FBXL17: variants seen among roughly 807,000 people sequenced by gnomAD.
FBXL17 encodes F-box/LRR-repeat protein 17.
In FBXL17, 22 loss-of-function variants were observed where a neutral mutation model predicts 66.2. That is an observed-to-expected ratio of 0.33 (90% CI 0.24 to 0.47). The LOEUF (loss-of-function observed/expected upper bound fraction) is 0.47, where lower values mean the gene tolerates loss of function less well. FBXL17 is among the 20% of genes least tolerant of loss of function. The pLI is 1.00. For synonymous variants in FBXL17, 474 were observed against 400.5 expected, an observed-to-expected ratio of 1.18 and a Z score of -2.19; for missense variants, 878 against 948.2, an observed-to-expected ratio of 0.93 and a Z score of 0.97.
chr5:107,901,526 G>A (rs1023548654), intron 7 of FBXL17, among the ~76,000 whole-genome samples: 2 of 152,090 alleles, frequency 1.3e-5, no homozygotes, highest in Non-Finnish European at 2.9e-5. Context: ...AATGCCTAAC[G>A]GGCCCATGTA....
intron 7 of FBXL17, among the ~76,000 whole-genome samples, chr5:107,915,455 T>C (rs1424172308): frequency 6.6e-6 from 1 of 152,178 alleles, no homozygotes; most frequent in South Asian, 2.1e-4. Context: ...AGGGCTGGGA[T>C]AGGGGACTGG....
intron 4 of FBXL17, among the ~76,000 whole-genome samples, chr5:108,317,346 A>C (rs1251739574): frequency 1.3e-5 from 2 of 148,242 alleles, no homozygotes; most frequent in African/African-American, 4.9e-5. Flanking sequence ...TTTTTTTTTT[A>C]ACTAGAAAAG....
intron 6 of FBXL17, among the ~76,000 whole-genome samples, chr5:108,109,253 A>T (rs1404461585): frequency 6.6e-6 from 1 of 152,138 alleles, no homozygotes; most frequent in Non-Finnish European, 1.5e-5. Context: ...CAGAAGGAGG[A>T]AGGTCACTCT....
At chr5:107,918,974 A>G (rs1195195756) in intron 7 of FBXL17, among the ~76,000 whole-genome samples, 10 of 152,282 alleles carry the variant, frequency 6.6e-5, no homozygotes, top group African/African-American at 2.4e-4. Context: ...ACTTTGTGGG[A>G]GAGGCTGTGT....
At chr5:108,127,568 T>C (rs1220830270) in intron 6 of FBXL17, among the ~76,000 whole-genome samples, 1 of 152,044 alleles carries the variant, frequency 6.6e-6, no homozygotes, top group African/African-American at 2.4e-5. Context: ...ATTAAAAAGA[T>C]GATGAGAAAA....
intron 4 of FBXL17, among the ~76,000 whole-genome samples, chr5:108,293,149 A>C (rs2150165523): frequency 6.6e-6 from 1 of 152,040 alleles, no homozygotes; most frequent in Non-Finnish European, 1.5e-5. Context: ...GTATTCCTAT[A>C]TTAGTTTCTT....
intron 1 of FBXL17, among the ~76,000 whole-genome samples, chr5:108,374,365 A>C (rs761859247): frequency 1.3e-5 from 2 of 152,198 alleles, no homozygotes; most frequent in Non-Finnish European, 2.9e-5. Flanking sequence ...ATGACAATGA[A>C]AGGAAATTAG....
At chr5:108,251,531 A>T (rs181648991) in intron 4 of FBXL17, among the ~76,000 whole-genome samples, 4 of 152,194 alleles carry the variant, frequency 2.6e-5, no homozygotes, top group South Asian at 4.1e-4. Flanking sequence ...AGACTTCATT[A>T]TTCTGACACA....
At chr5:108,374,410 G>A (rs752293562) in intron 1 of FBXL17, among the ~76,000 whole-genome samples, 13 of 152,134 alleles carry the variant, frequency 8.5e-5, no homozygotes, top group African/African-American at 2.2e-4. Flanking sequence ...AGCAGCTCAG[G>A]CCTATAATTC....
At chr5:107,980,664 A>ATATATATATTTTTTTTTTTTTTT in intron 7 of FBXL17, among the ~76,000 whole-genome samples, 38 of 62,042 alleles carry the variant, frequency 6.1e-4, no homozygotes, top group Non-Finnish European at 9.0e-4. Flanking sequence ...ATATATATAT[A>ATATATATATTTTTTTTTTTTTTT]TTTTTTTTTT....
chr5:108,322,050 C>T (rs938012638), intron 4 of FBXL17, among the ~76,000 whole-genome samples: 1 of 151,814 alleles, frequency 6.6e-6, no homozygotes, highest in African/African-American at 2.4e-5. Flanking sequence ...TAACAACACA[C>T]CACTGGCAAG....
intron 6 of FBXL17, among the ~76,000 whole-genome samples, chr5:108,036,795 G>A (rs1389148186): frequency 6.6e-6 from 1 of 152,108 alleles, no homozygotes; most frequent in Non-Finnish European, 1.5e-5. Flanking sequence ...AAGAATTGAT[G>A]CACAGTAATA....
chr5:108,252,192 G>T (rs1476869209), intron 4 of FBXL17, among the ~76,000 whole-genome samples: 9 of 152,078 alleles, frequency 5.9e-5, no homozygotes, highest in Admixed American at 5.9e-4. Context: ...AGAACAATTT[G>T]CCAATATCTT....
intron 8 of FBXL17, among the ~76,000 whole-genome samples, chr5:107,874,843 G>A (rs1748568107): frequency 6.6e-6 from 1 of 152,160 alleles, no homozygotes. Context: ...GTGTTTTAAA[G>A]TGCTCCTATG....
chr5:107,924,073 T>TG (rs1351947947), intron 7 of FBXL17, among the ~76,000 whole-genome samples: 1 of 150,722 alleles, frequency 6.6e-6, no homozygotes, highest in Non-Finnish European at 1.5e-5. Context: ...TTTTTTTTTT[T>TG]TTTTTTTTTT....
In FBXL17 at chr5:107,861,639, T is replaced by C; in HGVS notation, c.*81A>G. The C allele has an allele frequency of 7.4e-7, 1 of 1,345,830 alleles. No homozygotes were observed. The highest frequency in any genetic ancestry group is 9.8e-7 in the Non-Finnish European group (1 of 1,021,708). 83.4% of individuals were successfully genotyped at this position (1,345,830 alleles called of 1,614,324 possible). A position where few individuals can be genotyped will look rare whatever the true frequency, so the allele number is the denominator to read the frequency against. On this transcript the variant is annotated 3_prime_UTR_variant, in exon 9 of 9. Transcript: ENST00000542267. ...CACAGACAGGTGACAGTTAAAACCC[T>C]TCCGAGAGATCAGCTCCCCAAATGT... is the stretch of plus-strand genomic sequence containing the variant.
intron 7 of FBXL17, among the ~76,000 whole-genome samples, chr5:108,013,977 G>A (rs1754281263): frequency 1.3e-5 from 2 of 152,082 alleles, no homozygotes; most frequent in Admixed American, 6.6e-5. Flanking sequence ...GCTCCATTTA[G>A]AACTATCCAT....
intron 6 of FBXL17, among the ~76,000 whole-genome samples, chr5:108,077,411 C>T (rs1748593790): frequency 6.6e-6 from 1 of 152,132 alleles, no homozygotes; most frequent in Non-Finnish European, 1.5e-5. Context: ...TGCCTGTAAT[C>T]CCAGAACACT....
chr5:108,263,118 A>T (rs1334798198), intron 4 of FBXL17, among the ~76,000 whole-genome samples: 27 of 152,178 alleles, frequency 1.8e-4, no homozygotes, highest in Admixed American at 1.8e-3. Flanking sequence ...GAATCTTGCT[A>T]CACCAACTCC....
Sources: gnomAD v4.1 joint callset for allele counts (sites outside exome capture counted in the v4.1 genomes callset) on GRCh38, gnomAD v4.1.1 for gene constraint, MANE v1.5 for transcripts, NCBI Gene and HGNC (gene_info 2026-07-23, HGNC 2026-07-21) for gene names.